ACTR3C: variants seen among roughly 807,000 people sequenced by gnomAD.
ACTR3C encodes actin related protein 3C, also known as actin-related protein 3C.
Under a neutral mutation model 26.3 loss-of-function variants are expected in ACTR3C, and 18 were observed. The observed-to-expected ratio is 0.68, with a 90% CI of 0.47 to 1.01. The LOEUF is 1.01. ACTR3C is among the 50% of genes least tolerant of loss of function. The pLI is 0.00. For missense variants in ACTR3C, 184 were observed against 250.7 expected (o/e 0.73, Z 1.80); for synonymous variants, 55 against 94.5 (o/e 0.58, Z 2.42).
At chr7:150,152,542 C>T in the ACTR3C span, among the ~76,000 whole-genome samples, 1 of 152,134 alleles carries the variant, frequency 6.6e-6, no homozygotes, top group Non-Finnish European at 1.5e-5. Flanking sequence ...TTTGGTTTGC[C>T]AGTATTTTAT....
At chr7:150,003,515 G>A in the ACTR3C span, among the ~76,000 whole-genome samples, 3 of 151,644 alleles carry the variant, frequency 2.0e-5, no homozygotes, top group Admixed American at 1.3e-4. Flanking sequence ...CATGCGGTGT[G>A]GTATGTGATG....
chr7:149,922,362 G>A, the ACTR3C span, among the ~76,000 whole-genome samples: 2 of 144,956 alleles, frequency 1.4e-5, no homozygotes, highest in Non-Finnish European at 3.0e-5. Context: ...CAAAGTCAAA[G>A]AACATAATGA....
the ACTR3C span, among the ~76,000 whole-genome samples, chr7:150,210,715 A>C: frequency 2.0e-5 from 3 of 149,880 alleles, no homozygotes; most frequent in Non-Finnish European, 4.4e-5. Flanking sequence ...GGTTTTCCTT[A>C]CGGATGGAAA....
At chr7:149,981,386 A>C in the ACTR3C span, among the ~76,000 whole-genome samples, 4 of 151,944 alleles carry the variant, frequency 2.6e-5, no homozygotes, top group East Asian at 7.7e-4. Flanking sequence ...CAAATCTCTG[A>C]TAAGAGCCAT....
At chr7:150,219,669 A>G in the ACTR3C span, among the ~76,000 whole-genome samples, 1 of 139,128 alleles carries the variant, frequency 7.2e-6, no homozygotes. Context: ...AGGTTCTGCC[A>G]GAATTCCTTA....
chr7:149,898,892 C>G, the ACTR3C span, among the ~76,000 whole-genome samples: 1 of 152,010 alleles, frequency 6.6e-6, no homozygotes, highest in Non-Finnish European at 1.5e-5. Flanking sequence ...GTGGCCCAAA[C>G]AGTTCTTATG....
At chr7:150,151,145 T>C in the ACTR3C span, among the ~76,000 whole-genome samples, 4 of 124,682 alleles carry the variant, frequency 3.2e-5, 1 homozygote, top group Admixed American at 3.3e-4. Flanking sequence ...CTCCATTTTC[T>C]TAGCTTCTAT....
the ACTR3C span, among the ~76,000 whole-genome samples, chr7:149,906,169 G>T: frequency 6.6e-6 from 1 of 151,998 alleles, no homozygotes; most frequent in African/African-American, 2.4e-5. Flanking sequence ...ATACCATATT[G>T]GAAATGTTTG....
chr7:150,250,370 A>G (rs1418053318), intron 6 of ACTR3C, among the ~76,000 whole-genome samples: 4 of 151,424 alleles, frequency 2.6e-5, no homozygotes, highest in African/African-American at 4.9e-5. Context: ...CACCCGGCTA[A>G]TTTTTTGTAT....
At chr7:149,908,983 T>C in the ACTR3C span, among the ~76,000 whole-genome samples, 88 of 151,968 alleles carry the variant, frequency 5.8e-4, no homozygotes, top group African/African-American at 1.8e-3. Context: ...GGTTCCAACA[T>C]GTTGGTCAGG....
chr7:150,252,072 A>G (rs1051467663), intron 6 of ACTR3C, among the ~76,000 whole-genome samples: 15 of 151,612 alleles, frequency 9.9e-5, no homozygotes, highest in African/African-American at 3.6e-4. Flanking sequence ...TAACTTCGAC[A>G]TTTCAATTTG....
At chr7:150,109,314 A>T in the ACTR3C span, among the ~76,000 whole-genome samples, 1 of 152,108 alleles carries the variant, frequency 6.6e-6, no homozygotes, top group African/African-American at 2.4e-5. Context: ...AAACTAATTC[A>T]GGAAATGTAA....
chr7:150,322,077 C>T (rs774662873), intron 1 of ACTR3C, among the ~76,000 whole-genome samples: 1 of 152,248 alleles, frequency 6.6e-6, no homozygotes, highest in Admixed American at 6.5e-5. Flanking sequence ...GTCCAGGGAA[C>T]ATGACTTCTT....
At chr7:149,937,975 T>C in the ACTR3C span, among the ~76,000 whole-genome samples, 2 of 152,238 alleles carry the variant, frequency 1.3e-5, no homozygotes, top group Non-Finnish European at 2.9e-5. Flanking sequence ...GAGTTGAAGA[T>C]GGGACAGTGT....
chr7:150,132,122 A>G, the ACTR3C span, among the ~76,000 whole-genome samples: 2 of 152,226 alleles, frequency 1.3e-5, no homozygotes, highest in Admixed American at 1.3e-4. Context: ...TGGAAGTGGC[A>G]TTAGTTTGGT....
chr7:150,033,278 T>A, the ACTR3C span, among the ~76,000 whole-genome samples: 1 of 152,154 alleles, frequency 6.6e-6, no homozygotes, highest in African/African-American at 2.4e-5. Context: ...ACCCTTTTCT[T>A]CTCAAACCAA....
chr7:150,078,238 C>T, the ACTR3C span, among the ~76,000 whole-genome samples: 2 of 150,582 alleles, frequency 1.3e-5, no homozygotes. Flanking sequence ...CTTCCTCTCT[C>T]CTTCCCTCCC....
the ACTR3C span, among the ~76,000 whole-genome samples, chr7:149,957,227 CAAG>C: frequency 1.3e-5 from 2 of 151,978 alleles, no homozygotes; most frequent in East Asian, 3.9e-4. Context: ...TATGAGGGAC[CAAG>C]AAGTCATTCA....
chr7:150,262,032 C>T (rs1833679308), intron 6 of ACTR3C, among the ~76,000 whole-genome samples: 1 of 149,702 alleles, frequency 6.7e-6, no homozygotes, highest in Admixed American at 6.7e-5. Flanking sequence ...TTGTCCTTTG[C>T]ACTTCCTGGC....
Sources: gnomAD v4.1 joint callset for allele counts (sites outside exome capture counted in the v4.1 genomes callset) on GRCh38, gnomAD v4.1.1 for gene constraint, MANE v1.5 for transcripts, NCBI Gene and HGNC (gene_info 2026-07-23, HGNC 2026-07-21) for gene names.